The following CROCC2 variants were observed in gnomAD, a reference collection of about 807,000 sequenced individuals.
The protein encoded by CROCC2 is ciliary rootlet coiled-coil protein 2.
In CROCC2, 163 loss-of-function variants were observed where a neutral mutation model predicts 177.6. The observed-to-expected ratio is 0.92, with a 90% confidence interval of 0.81 to 1.05. The LOEUF is 1.05. Among genes scored for constraint, CROCC2 ranks in the 50% least tolerant of loss-of-function variants. The pLI, the probability that CROCC2 is intolerant of heterozygous loss-of-function variation, is 0.00. For missense variants in CROCC2, 1,929 were observed against 1,797.8 expected (o/e 1.07, Z -1.32); for synonymous variants, 904 against 787.3 (o/e 1.15, Z -2.48).
intron 1 of CROCC2, among the ~76,000 whole-genome samples, chr2:240,916,208 C>A (rs1357471644): frequency 3.3e-5 from 5 of 151,988 alleles, no homozygotes; most frequent in Non-Finnish European, 5.9e-5. Flanking sequence ...GGCCTCCGGA[C>A]ACGCCGACCT....
At position 240,933,685 on chromosome 2, in the gene CROCC2, G is replaced by T. The variant is rs2059448692; in HGVS notation, c.1479G>T (p.Leu493=). Residue 493 remains leucine (L), a synonymous_variant, in exon 11 of 32, where the codon CTG becomes CTT. Transcript: ENST00000690015. ...CCATCCCCAGGGAGAAGGCTGCTCT[G>T]GAGATGGTGGTGGAGGAGCTGAAAG... ...CKLLGREKAA[L]EMVVEELKGK... The T allele has an allele frequency of 1.3e-6, 2 of 1,550,222 alleles. No individual in the cohort carries two copies. Among genetic ancestry groups the T allele is most frequent in the Non-Finnish European group, 1.7e-6 (2 of 1,146,836 alleles).
chr2:240,966,454 G>T, intron 25 of CROCC2, 45 bp downstream of exon 25: 1 of 399,454 alleles, frequency 2.5e-6, no homozygotes, highest in Non-Finnish European at 4.4e-6. Context: ...CACCCCCCGG[G>T]GGTCTCTGGG....
intron 20 of CROCC2, chr2:240,963,327 G>A: frequency 1.9e-6 from 1 of 525,092 alleles, no homozygotes; most frequent in Non-Finnish European, 3.4e-6. Flanking sequence ...GGGGCTCAAG[G>A]TGGGGTCTTC....
At chr2:240,911,481 G>A (rs1574740712) in intron 1 of CROCC2, among the ~76,000 whole-genome samples, 1 of 151,978 alleles carries the variant, frequency 6.6e-6, no homozygotes, top group Admixed American at 6.6e-5. Context: ...TATTTTCAGT[G>A]GAGACGAGGT....
chr2:240,964,943 C>T (rs1217596540), intron 22 of CROCC2, among the ~76,000 whole-genome samples: 1 of 152,214 alleles, frequency 6.6e-6, no homozygotes, highest in South Asian at 2.1e-4. Flanking sequence ...AAGTATCCTA[C>T]ATGCAACACC....
At position 240,966,402 on chromosome 2, in the gene CROCC2, G is replaced by T; in HGVS notation, c.4139G>T (p.Arg1380Leu). 2 of 401,254 alleles carry T rather than the reference G, an allele frequency of 5.0e-6. No individual in the cohort carries two copies. Among genetic ancestry groups the T allele is most frequent in the Non-Finnish European group, 8.8e-6 (2 of 226,558 alleles). The allele number at this position is 401,254 out of a possible 1,614,324, so 24.9% of individuals were successfully genotyped here. The change falls in exon 25 of 32, where the codon CGG becomes CTG. Residue 1380 changes from arginine to leucine, a missense_variant. This residue lies in a region of CROCC2 where 388 missense variants were observed against 352.7 expected (regional missense o/e 1.10). Coordinates refer to ENST00000690015, the MANE Select transcript of CROCC2 (RefSeq NM_001351305.2). Reference protein sequence around the residue: ...DFVQKLREAQRERDDSRIQMA... With the variant: ...DFVQKLREAQLERDDSRIQMA... The stretch of plus-strand genomic sequence containing the variant: ...GTGCAGAAGCTCCGGGAAGCCCAGC[G>T]GGAGCGGGTAATGGGGGCTGGGGTC...
Position 240,963,564 on chromosome 2 carries a change from G to A in CROCC2, c.3096G>A (p.Arg1032=), listed in dbSNP as rs763760716. The part of the protein sequence containing the change: ...ERGDVEREAE[R]LRAQLTVAQE... ...TGAATGGTCCTCCCCAGGCTGAGAG[G>A]CTGCGGGCACAGCTGACCGTGGCCC... The change falls in exon 21 of 32, where the codon AGG becomes AGA. Residue 1032 remains arginine, a synonymous_variant. Coordinates refer to ENST00000690015, the MANE Select transcript of CROCC2 (RefSeq NM_001351305.2). 17 of 1,542,264 alleles carry A rather than the reference G, an allele frequency of 1.1e-5. No individual in the cohort carries two copies. In the South Asian group the frequency reaches 1.9e-4, roughly 17 times the overall value.
At position 240,972,412 on chromosome 2, in the gene CROCC2, G is replaced by A. The variant is rs550103365; in HGVS notation, c.4401+4150G>A. ...GGTGCGGTCCTCCACCTCCCCAGCT[G>A]CTTGCCTCACAGGGATGGAGGGCTC... On this transcript the variant is annotated intron_variant, in intron 27 of 31. Coordinates refer to ENST00000690015, the MANE Select transcript of CROCC2 (RefSeq NM_001351305.2). This position sits in a 1 kb window ranked among gnomAD's most constrained non-coding sequence, Gnocchi z 7.1. Among the ~76,000 whole-genome samples the A allele has an allele frequency of 2.6e-3, 397 of 152,202 alleles. 11 individuals are homozygous for A. Among genetic ancestry groups the A allele is most frequent in the Non-Finnish European group, 5.1e-4 (35 of 68,002 alleles).
At chr2:240,915,727 C>T (rs2059315757) in intron 1 of CROCC2, among the ~76,000 whole-genome samples, 1 of 152,118 alleles carries the variant, frequency 6.6e-6, no homozygotes, top group South Asian at 2.1e-4. Flanking sequence ...CTGGGCCACC[C>T]CCCTCAGGGC....
Position 240,965,749 on chromosome 2 carries a change from A to C in CROCC2, c.3717A>C (p.Ala1239=). The C allele has an allele frequency of 6.6e-7, 1 of 1,525,202 alleles. No individual in the cohort carries two copies. Among genetic ancestry groups the C allele is most frequent in the South Asian group, 1.3e-5 (1 of 79,188 alleles). The allele number at this position is 1,525,202 out of a possible 1,614,324, so 94.5% of individuals were successfully genotyped here. A position where few individuals can be genotyped will look rare whatever the true frequency, so the allele number is the denominator to read the frequency against. The stretch of plus-strand genomic sequence containing the variant: ...GGGGGGCTGAGCAGACCCTCCGAGC[A>C]GAGCTGCACAGTGTCACCAGGAAGC... ...ESRGAEQTLR[A]ELHSVTRKLQ... Residue 1239 remains alanine, a synonymous_variant, in exon 24 of 32, where the codon GCA becomes GCC. Transcript: ENST00000690015.
chr2:240,988,449 G>T (rs143143178), intron 28 of CROCC2, among the ~76,000 whole-genome samples: 144 of 152,326 alleles, frequency 9.5e-4, no homozygotes, highest in African/African-American at 3.4e-3. Flanking sequence ...CACCTTAAAA[G>T]ATGTAGGGAG....
chr2:240,950,833 A>C, intron 18 of CROCC2: 1 of 285,130 alleles, frequency 3.5e-6, no homozygotes, highest in South Asian at 9.1e-5. Flanking sequence ...CCATCCATCC[A>C]CCCATCCAAC....
Position 240,968,127 on chromosome 2 carries a change from A to G in CROCC2, c.4268-2A>G. On this transcript the variant is annotated splice_acceptor_variant, in intron 26 of 31. Transcript: ENST00000690015. LOFTEE classifies it high-confidence loss of function. ...CCTCAAGCCACCCTGCTTGCCCCAC[A>G]GGCCAGCGCCGGGTGGAGGGCGCGC... 6.9e-7 allele frequency: 1 copy of G among 1,445,406 alleles called. No individual in the cohort carries two copies. Among genetic ancestry groups the G allele is most frequent in the South Asian group, 1.4e-5 (1 of 71,682 alleles). The allele number at this position is 1,445,406 out of a possible 1,614,324, so 89.5% of individuals were successfully genotyped here. A position where few individuals can be genotyped will look rare whatever the true frequency, so the allele number is the denominator to read the frequency against.
intron 13 of CROCC2, 70 bp from the exon 14 acceptor site, chr2:240,935,288 T>C (rs942035358): frequency 6.2e-6 from 8 of 1,288,202 alleles, no homozygotes; most frequent in Non-Finnish European, 8.0e-6. Flanking sequence ...GGGCAGGCCT[T>C]GGGGATGGCT....
chr2:240,906,722 A>T (rs535841261), intron 1 of CROCC2, 131 bp downstream of exon 1: 2 of 396,590 alleles, frequency 5.0e-6, no homozygotes, highest in African/African-American at 4.1e-5. Flanking sequence ...CCACTTGCTC[A>T]CGTGTTTGCC....
intron 20 of CROCC2, among the ~76,000 whole-genome samples, chr2:240,961,812 T>TC (rs1219164095): frequency 0.22 from 4,799 of 22,168 alleles, 812 homozygotes; most frequent in Admixed American, 0.35. Context: ...TACACTCACA[T>TC]ACACTCACAC....
rs2059606324 is a variant in CROCC2 at position 240,958,248 on chromosome 2, C to T, written c.2944-1053C>T. 2 of 935,974 alleles carry T rather than the reference C, an allele frequency of 2.1e-6. No homozygotes were observed. The highest frequency in any genetic ancestry group is 2.5e-6 in the Non-Finnish European group (2 of 784,670). The allele number at this position is 935,974 out of a possible 1,614,324, so 58.0% of individuals were successfully genotyped here. ...CCCAGCCGATGCCCTGTCCCTGAGGCCCTCACAGGGGTATCCTGCAGCCAG... is the reference window on the plus strand; with the variant it reads ...CCCAGCCGATGCCCTGTCCCTGAGGTCCTCACAGGGGTATCCTGCAGCCAG... On this transcript the variant is annotated intron_variant, in intron 19 of 31. Transcript: ENST00000690015. This position sits in a 1 kb window ranked among gnomAD's most constrained non-coding sequence, Gnocchi z 6.7.
At chr2:240,944,934 G>GTTGT (rs958934271) in intron 14 of CROCC2, among the ~76,000 whole-genome samples, 12 of 152,160 alleles carry the variant, frequency 7.9e-5, no homozygotes, top group Non-Finnish European at 1.5e-4. Context: ...TGTTCTTGTT[G>GTTGT]TTGTTTGTTT....
Position 240,955,847 on chromosome 2 carries a change from C to A in CROCC2, c.2830-12C>A, listed in dbSNP as rs555857918. The A allele has an allele frequency of 6.5e-6, 10 of 1,527,312 alleles. No individual in the cohort carries two copies. The South Asian group carries it at 8.4e-5, about 13-fold the overall frequency. 94.6% of individuals were successfully genotyped at this position (1,527,312 alleles called of 1,614,324 possible). A position where few individuals can be genotyped will look rare whatever the true frequency, so the allele number is the denominator to read the frequency against. ...CCCCAACTTTCTCACAAGCATACCC[C>A]GTCCTGTTCAGGCCCTGTCCCTGAA... is the stretch of plus-strand genomic sequence containing the variant. On this transcript the variant is annotated splice_polypyrimidine_tract_variant and intron_variant, in intron 18 of 31. Coordinates refer to ENST00000690015, the MANE Select transcript of CROCC2 (RefSeq NM_001351305.2).
Sources: gnomAD v4.1 joint callset for allele counts (sites outside exome capture counted in the v4.1 genomes callset) on GRCh38, gnomAD v4.1.1 for gene constraint, gnomAD v4.1.1 regional missense constraint, Gnocchi (gnomAD v3.1) non-coding constraint, MANE v1.5 for transcripts, NCBI Gene and HGNC (gene_info 2026-07-23, HGNC 2026-07-21) for gene names.